SETD2: variants seen among roughly 807,000 people sequenced by gnomAD.
SETD2 encodes the protein histone-lysine N-methyltransferase SETD2.
In SETD2, 31 loss-of-function variants were observed where a neutral mutation model predicts 242.1. The ratio of observed to expected loss-of-function variants is 0.13; its 90% CI spans 0.10 to 0.17. SETD2 has a LOEUF of 0.17. SETD2 is among the 10% of genes least tolerant of loss of function. The pLI is 1.00. For missense variants in SETD2, 2,481 were observed against 3,046.3 expected (o/e 0.81, Z 4.37); for synonymous variants, 1,006 against 1,066.5 (o/e 0.94, Z 1.11).
At chr3:47,134,502 T>C (rs2043549296) in intron 1 of SETD2, among the ~76,000 whole-genome samples, 1 of 152,174 alleles carries the variant, frequency 6.6e-6, no homozygotes, top group Admixed American at 6.5e-5. Flanking sequence ...AATCCTTCTG[T>C]AGGCTAGAGT....
chr3:47,057,021 C>G lies in SETD2; in HGVS notation c.6763G>C (p.Ala2255Pro). Residue 2255 changes from alanine to proline, a missense_variant, in exon 15 of 21, where the codon GCT becomes CCT. By Grantham distance (27) the Ala-to-Pro change is conservative. This residue lies in a region of SETD2 where 235 missense variants were observed against 293.9 expected (regional missense o/e 0.80). Coordinates refer to ENST00000409792, the MANE Select transcript of SETD2 (RefSeq NM_014159.7). ...DGVVHQDSSVAVLPVPAPGPV... is the reference protein window; with the variant it reads ...DGVVHQDSSVPVLPVPAPGPV... Reference sequence around the variant, plus strand: ...CCGGGGGCCGGCACTGGCAAGACAGCAACGCTGGAGTCTTGGTGTACTACA... The same window carrying G: ...CCGGGGGCCGGCACTGGCAAGACAGGAACGCTGGAGTCTTGGTGTACTACA... 1 of 1,614,272 alleles carries G rather than the reference C, an allele frequency of 6.2e-7. No homozygotes were observed. Among genetic ancestry groups the G allele is most frequent in the Non-Finnish European group, 8.5e-7 (1 of 1,180,048 alleles).
At chr3:47,159,433 C>A (rs1697413714) in intron 1 of SETD2, among the ~76,000 whole-genome samples, 1 of 152,206 alleles carries the variant, frequency 6.6e-6, no homozygotes, top group Non-Finnish European at 1.5e-5. Context: ...TGGTTCCTCT[C>A]TCACATGTCA....
rs187386591 is a variant in SETD2, at chr3:47,134,397, A to T, written c.72-7734T>A. ...TATGCATCAGGCAGAAATCTTCAAA[A>T]TTAAAACTTTTATCACAAAAGGTCA... On this transcript the variant is annotated intron_variant, in intron 1 of 20. Coordinates refer to ENST00000409792, the MANE Select transcript of SETD2 (RefSeq NM_014159.7). Among the ~76,000 whole-genome samples the T allele has an allele frequency of 8.6e-3, 1,303 of 152,290 alleles. 10 individuals carry two copies. Among genetic ancestry groups the T allele is most frequent in the Middle Eastern group, 0.044 (13 of 294 alleles).
intron 14 of SETD2, among the ~76,000 whole-genome samples, chr3:47,057,773 A>G (rs2040143045): frequency 6.6e-6 from 1 of 152,246 alleles, no homozygotes; most frequent in Non-Finnish European, 1.5e-5. Context: ...TATTCTTTAT[A>G]GCTGGGGACA....
At chr3:47,048,216 C>G (rs1330685958) in intron 15 of SETD2, among the ~76,000 whole-genome samples, 1 of 152,096 alleles carries the variant, frequency 6.6e-6, no homozygotes, top group Non-Finnish European at 1.5e-5. Flanking sequence ...GGTGAAATCC[C>G]ATCTCTACTA....
At chr3:47,119,839 T>C (rs2043002167) in intron 3 of SETD2, 1 of 475,502 alleles carries the variant, frequency 2.1e-6, no homozygotes, top group East Asian at 6.2e-5. Context: ...TAAGTACAGA[T>C]TATTTTGCTG....
intron 1 of SETD2, among the ~76,000 whole-genome samples, chr3:47,154,580 G>C (rs995433089): frequency 1.3e-5 from 2 of 152,082 alleles, no homozygotes; most frequent in Non-Finnish European, 2.9e-5. Flanking sequence ...TCTTGGATAT[G>C]GTATTTGGAG....
intron 1 of SETD2, among the ~76,000 whole-genome samples, chr3:47,145,724 C>T (rs1256796099): frequency 6.6e-6 from 1 of 152,108 alleles, no homozygotes; most frequent in Non-Finnish European, 1.5e-5. Flanking sequence ...CTAAAAGGAA[C>T]TATGCAGCTG....
At chr3:47,022,199 A>T (rs1439510936) in intron 18 of SETD2, among the ~76,000 whole-genome samples, 3 of 141,870 alleles carry the variant, frequency 2.1e-5, no homozygotes, top group African/African-American at 7.6e-5. Flanking sequence ...TCTGTCACAC[A>T]CACACACACA....
intron 13 of SETD2, among the ~76,000 whole-genome samples, chr3:47,062,724 A>C (rs1476472812): frequency 6.6e-6 from 1 of 152,204 alleles, no homozygotes; most frequent in Non-Finnish European, 1.5e-5. Flanking sequence ...ATAACTCTTC[A>C]TATTTATAAT....
Position 47,123,505 on chromosome 3 carries a change from A to G in SETD2, c.1131T>C (p.Tyr377=). 1.3e-6 allele frequency: 2 copies of G among 1,551,070 alleles called. No homozygotes were observed. Among genetic ancestry groups the G allele is most frequent in the South Asian group, 2.4e-5 (2 of 84,058 alleles). ...CTCTTTCAAGTTTTGAATAGCTAAA[A>G]TATTTATCATCTCTGTCTGTTTTAG... The part of the protein sequence containing the change: ...SRSKTDRDDK[Y]FSYSKLERDT... Residue 377 remains tyrosine (Y), a synonymous_variant, in exon 3 of 21, where the codon TAT becomes TAC. Transcript: ENST00000409792.
chr3:47,147,860 T>C (rs539886087), intron 1 of SETD2, among the ~76,000 whole-genome samples: 2 of 147,974 alleles, frequency 1.4e-5, no homozygotes, highest in South Asian at 2.2e-4. Flanking sequence ...GAGGCGGAGC[T>C]TGCAGTGAGC....
At chr3:47,043,977 GATC>G (rs2039400681) in intron 16 of SETD2, among the ~76,000 whole-genome samples, 1 of 152,072 alleles carries the variant, frequency 6.6e-6, no homozygotes, top group Non-Finnish European at 1.5e-5. Context: ...TTTCTCTTGT[GATC>G]ATCATCTCTC....
rs376246790 is a variant in SETD2 at position 47,086,223 on chromosome 3, C to G, written c.5369G>C (p.Arg1790Pro). Residue 1790 changes from arginine to proline, a missense_variant, in exon 11 of 21, where the codon CGG becomes CCG. Physicochemically the swap from Arg to Pro is moderately radical, Grantham distance 103. Around this residue, in one of 17 missense-constraint regions of SETD2, gnomAD observed 62 missense variants for 136.7 expected, o/e 0.45. Transcript: ENST00000409792. ...WIWMAELGDG[R>P]ESNQKLQEEI... ...TTCCTGAAGCTTCTGGTTACTTTCC[C>G]GGCCGTCACCTAGCTCTGCCATCCA... 1.2e-6 allele frequency: 2 copies of G among 1,613,066 alleles called. No individual in the cohort carries two copies. Among genetic ancestry groups the G allele is most frequent in the South Asian group, 2.2e-5 (2 of 91,046 alleles).
intron 1 of SETD2, among the ~76,000 whole-genome samples, chr3:47,136,246 A>AAAG (rs2043586989): frequency 6.6e-6 from 1 of 152,102 alleles, no homozygotes; most frequent in African/African-American, 2.4e-5. Context: ...ATACCTGCTT[A>AAAG]TCCTCTTTCT....
rs2106674802 is a variant in SETD2 at position 47,122,303 on chromosome 3, G to A, written c.2333C>T (p.Pro778Leu). The A allele has an allele frequency of 6.2e-7, 1 of 1,614,114 alleles. No homozygotes were observed. The highest frequency in any genetic ancestry group is 8.5e-7 in the Non-Finnish European group (1 of 1,179,982). ...GCAGCAAGAAACCCTCGTATCAACT[G>A]GTTCTTTAACTACTGTTTTGGAATA... ...VDYSKTVVKE[P>L]VDTRVSCCKT... The change falls in exon 3 of 21, where the codon CCA becomes CTA. Residue 778 changes from proline (P) to leucine (L), a missense_variant. Physicochemically the swap from Pro to Leu is moderately conservative, Grantham distance 98. Coordinates refer to ENST00000409792, the MANE Select transcript of SETD2 (RefSeq NM_014159.7).
At chr3:47,071,380 C>T (rs1487359279) in intron 12 of SETD2, among the ~76,000 whole-genome samples, 1 of 152,160 alleles carries the variant, frequency 6.6e-6, no homozygotes. Flanking sequence ...ATAATCAACA[C>T]TCAATTCCTT....
chr3:47,081,334 TG>T (rs952956041), intron 12 of SETD2, among the ~76,000 whole-genome samples: 3 of 152,182 alleles, frequency 2.0e-5, no homozygotes, highest in African/African-American at 7.2e-5. Context: ...CCCGGTTGGC[TG>T]GGGAGACTTG....
At chr3:47,125,011 G>C (rs1454686907) in intron 2 of SETD2, among the ~76,000 whole-genome samples, 1 of 152,044 alleles carries the variant, frequency 6.6e-6, no homozygotes, top group East Asian at 1.9e-4. Context: ...GCATCACATG[G>C]AGTGCACAGT....
Sources: gnomAD v4.1 joint callset for allele counts (sites outside exome capture counted in the v4.1 genomes callset) on GRCh38, gnomAD v4.1.1 for gene constraint, gnomAD v4.1.1 regional missense constraint, MANE v1.5 for transcripts, NCBI Gene and HGNC (gene_info 2026-07-23, HGNC 2026-07-21) for gene names.